The following FNDC3B variants were observed in gnomAD, a reference collection of about 807,000 sequenced individuals.
FNDC3B encodes the protein fibronectin type III domain containing 3B, also known as fibronectin type III domain-containing protein 3B.
FNDC3B carries 12 observed loss-of-function variants against 151.5 expected under a neutral mutation model. The ratio of observed to expected loss-of-function variants is 0.08; its 90% CI spans 0.05 to 0.13. The LOEUF is 0.13. FNDC3B is among the 10% of genes least tolerant of loss of function. FNDC3B has a pLI of 1.00. For missense variants in FNDC3B, 1,214 were observed against 1,505.3 expected (o/e 0.81, Z 3.20); for synonymous variants, 528 against 549.0 (o/e 0.96, Z 0.54).
At chr3:172,200,153 A>G (rs1430497428) in intron 3 of FNDC3B, among the ~76,000 whole-genome samples, 1 of 152,222 alleles carries the variant, frequency 6.6e-6, no homozygotes, top group African/African-American at 2.4e-5. Context: ...ACTCAAACAC[A>G]TACCCACACT....
intron 23 of FNDC3B, among the ~76,000 whole-genome samples, chr3:172,370,857 C>T (rs988467403): frequency 1.3e-5 from 2 of 152,164 alleles, no homozygotes; most frequent in African/African-American, 4.8e-5. Flanking sequence ...TACCCCTTAT[C>T]CCACCTACCC....
At chr3:172,258,427 A>G (rs1353173952) in intron 6 of FNDC3B, among the ~76,000 whole-genome samples, 2 of 151,932 alleles carry the variant, frequency 1.3e-5, no homozygotes, top group African/African-American at 2.4e-5. Flanking sequence ...TTTTTCTCTT[A>G]CTATTCTTAT....
chr3:172,138,987 G>T (rs1026827393), intron 3 of FNDC3B, among the ~76,000 whole-genome samples: 11 of 152,182 alleles, frequency 7.2e-5, no homozygotes, highest in Non-Finnish European at 1.5e-5. Flanking sequence ...GAACTGTATC[G>T]TTGATGAACA....
chr3:172,126,730 G>A (rs908014913), intron 2 of FNDC3B, among the ~76,000 whole-genome samples: 46 of 152,180 alleles, frequency 3.0e-4, no homozygotes, highest in African/African-American at 9.9e-4. Flanking sequence ...AGGGCAGCTT[G>A]TGGGTCAGAA....
intron 25 of FNDC3B, among the ~76,000 whole-genome samples, chr3:172,382,230 G>A (rs1014429378): frequency 7.2e-5 from 11 of 152,174 alleles, no homozygotes; most frequent in African/African-American, 2.2e-4. Context: ...AAGTGATGAC[G>A]AGCTTTTTTT....
intron 1 of FNDC3B, among the ~76,000 whole-genome samples, chr3:172,106,459 T>C (rs1215806750): frequency 6.6e-6 from 1 of 152,234 alleles, no homozygotes; most frequent in East Asian, 1.9e-4. Context: ...GGTTTGGTTC[T>C]GATGGGTATA....
chr3:172,226,293 G>A (rs1215383535), intron 3 of FNDC3B, among the ~76,000 whole-genome samples: 2 of 125,440 alleles, frequency 1.6e-5, no homozygotes, highest in Non-Finnish European at 3.2e-5. Context: ...TGACAAGTGC[G>A]AAACTCTGTC....
intron 1 of FNDC3B, among the ~76,000 whole-genome samples, chr3:172,051,279 G>A (rs1716641205): frequency 6.6e-6 from 1 of 151,280 alleles, no homozygotes; most frequent in African/African-American, 2.4e-5. Flanking sequence ...TAGTAGAGAT[G>A]GGGTTTCTCC....
chr3:172,186,304 C>G (rs1008538820), intron 3 of FNDC3B, among the ~76,000 whole-genome samples: 3 of 152,170 alleles, frequency 2.0e-5, no homozygotes, highest in Non-Finnish European at 4.4e-5. Context: ...GTGCTTTTCT[C>G]CTCACCCTCA....
chr3:172,148,834 G>A (rs904621512), intron 3 of FNDC3B, among the ~76,000 whole-genome samples: 3 of 152,134 alleles, frequency 2.0e-5, no homozygotes, highest in Non-Finnish European at 4.4e-5. Context: ...CATTGCACCT[G>A]TCATGCTGGT....
chr3:172,319,096 A>G (rs1029255844), intron 11 of FNDC3B, among the ~76,000 whole-genome samples: 1 of 152,126 alleles, frequency 6.6e-6, no homozygotes, highest in Admixed American at 6.5e-5. Context: ...TTGGGAAGCA[A>G]ACTTGATGTG....
chr3:172,267,106 A>C (rs1358588278), intron 6 of FNDC3B, among the ~76,000 whole-genome samples: 1 of 152,132 alleles, frequency 6.6e-6, no homozygotes, highest in Non-Finnish European at 1.5e-5. Flanking sequence ...CATTTAGCAG[A>C]GCTACCTCCT....
intron 23 of FNDC3B, 102 bp from the exon 24 acceptor site, chr3:172,378,168 T>C (rs1046139983): frequency 3.0e-5 from 27 of 908,602 alleles, no homozygotes; most frequent in South Asian, 5.6e-5. Flanking sequence ...ATGGAAAGCG[T>C]TTACCAGGTT....
At chr3:172,356,320 C>T (rs914401756) in intron 22 of FNDC3B, among the ~76,000 whole-genome samples, 1 of 152,074 alleles carries the variant, frequency 6.6e-6, no homozygotes, top group African/African-American at 2.4e-5. Flanking sequence ...GTTTCCTGAC[C>T]ATTAAAAAGG....
chr3:172,172,605 C>T (rs1723340119), intron 3 of FNDC3B, among the ~76,000 whole-genome samples: 1 of 152,152 alleles, frequency 6.6e-6, no homozygotes, highest in Admixed American at 6.6e-5. Flanking sequence ...TATGGGAATC[C>T]AGCAAAAATA....
chr3:172,136,618 G>A (rs1340600857), intron 3 of FNDC3B, among the ~76,000 whole-genome samples: 2 of 152,222 alleles, frequency 1.3e-5, no homozygotes, highest in Non-Finnish European at 2.9e-5. Flanking sequence ...CATTGTAATG[G>A]AAATTTCTGA....
intron 6 of FNDC3B, among the ~76,000 whole-genome samples, chr3:172,285,065 A>T (rs1729940772): frequency 6.6e-6 from 1 of 151,906 alleles, no homozygotes; most frequent in South Asian, 2.1e-4. Context: ...TCATTTCTAA[A>T]ACCTAATTAT....
intron 6 of FNDC3B, 135 bp downstream of exon 6, chr3:172,251,676 C>G (rs1190733678): frequency 2.7e-6 from 2 of 735,358 alleles, no homozygotes; most frequent in Non-Finnish European, 4.2e-6. Context: ...AGTAGACCTT[C>G]TTTGATCTAT....
At chr3:172,049,539 T>G (rs1716536511) in intron 1 of FNDC3B, among the ~76,000 whole-genome samples, 1 of 152,214 alleles carries the variant, frequency 6.6e-6, no homozygotes, top group Non-Finnish European at 1.5e-5. Flanking sequence ...TTTGTTTCTT[T>G]TTTTTGAGAT....
Sources: gnomAD v4.1 joint callset for allele counts (sites outside exome capture counted in the v4.1 genomes callset) on GRCh38, gnomAD v4.1.1 for gene constraint, MANE v1.5 for transcripts, NCBI Gene and HGNC (gene_info 2026-07-23, HGNC 2026-07-21) for gene names.